Variants in SLC25A48 observed in about 807,000 individuals in gnomAD.
SLC25A48 encodes the protein CTC-321K16.1.
Under a neutral mutation model 32.2 loss-of-function variants are expected in SLC25A48, and 29 were observed. The observed-to-expected ratio is 0.90, with a 90% confidence interval of 0.67 to 1.23. SLC25A48 has a LOEUF of 1.23. Ranked by LOEUF, SLC25A48 falls within the 50% of genes most tolerant of loss-of-function variation. The pLI is 0.00. For missense variants in SLC25A48, 399 were observed against 422.7 expected (o/e 0.94, Z 0.49); for synonymous variants, 164 against 172.3 (o/e 0.95, Z 0.38).
chr5:135,647,140 A>G (rs145306243), intron 3 of SLC25A48, among the ~76,000 whole-genome samples: 30 of 152,244 alleles, frequency 2.0e-4, no homozygotes, highest in African/African-American at 7.2e-4. Flanking sequence ...TTATTTGTCA[A>G]TTATACTGTA....
chr5:135,672,666 T>C (rs1045546048), intron 3 of SLC25A48, among the ~76,000 whole-genome samples: 1 of 152,202 alleles, frequency 6.6e-6, no homozygotes, highest in Non-Finnish European at 1.5e-5. Context: ...TAACATCCCC[T>C]GTTTTTTTCG....
At chr5:135,589,717 C>T (rs971771636) in intron 1 of SLC25A48, among the ~76,000 whole-genome samples, 6 of 152,028 alleles carry the variant, frequency 3.9e-5, no homozygotes, top group South Asian at 2.1e-4. Context: ...TATTTTGAGG[C>T]GGAGTCTCAC....
intron 7 of SLC25A48, among the ~76,000 whole-genome samples, chr5:135,886,629 ATATAT>A (rs1561567722): frequency 0.049 from 1,300 of 26,472 alleles, 119 homozygotes; most frequent in African/African-American, 0.07. Context: ...ATATATATAT[ATATAT>A]ATAAAATATA....
At chr5:135,814,901 C>A (rs776314887) in intron 4 of SLC25A48, among the ~76,000 whole-genome samples, 1 of 152,228 alleles carries the variant, frequency 6.6e-6, no homozygotes, top group Non-Finnish European at 1.5e-5. Flanking sequence ...CCATGGGAGG[C>A]CACTGCCTCG....
At chr5:135,738,424 G>A (rs940149299) in intron 3 of SLC25A48, among the ~76,000 whole-genome samples, 2 of 152,214 alleles carry the variant, frequency 1.3e-5, no homozygotes, top group Non-Finnish European at 2.9e-5. Flanking sequence ...CCCTGGGCCC[G>A]TGTTTGCAGC....
At chr5:135,626,196 A>G (rs939226836) in intron 1 of SLC25A48, among the ~76,000 whole-genome samples, 1 of 152,252 alleles carries the variant, frequency 6.6e-6, no homozygotes, top group African/African-American at 2.4e-5. Flanking sequence ...TCTCTGATGA[A>G]TGTTTGGACA....
chr5:135,681,003 G>A (rs1185950792), intron 3 of SLC25A48, among the ~76,000 whole-genome samples: 1 of 149,060 alleles, frequency 6.7e-6, no homozygotes, highest in African/African-American at 2.5e-5. Flanking sequence ...TCCTTTTTTT[G>A]AGATGGAGTT....
At chr5:135,693,960 A>AG (rs5871575) in intron 3 of SLC25A48, among the ~76,000 whole-genome samples, 117,932 of 152,014 alleles carry the variant, frequency 0.78, 46,315 homozygotes, top group Middle Eastern at 0.85. Context: ...AACATTCTGG[A>AG]GAAAAAAAAG....
intron 7 of SLC25A48, chr5:135,883,157 A>C: frequency 1.0e-6 from 1 of 985,528 alleles, no homozygotes; most frequent in Non-Finnish European, 1.2e-6. Flanking sequence ...GTGGGCTTTC[A>C]GCCAGGCAGG....
rs1156861751 is a variant in SLC25A48, at chr5:135,862,832, G to A, written c.422-8629G>A. 2.6e-5 allele frequency among the ~76,000 whole-genome samples: 4 copies of A among 152,200 alleles called. No individual in the cohort carries two copies. The South Asian group carries it at 6.2e-4, about 24-fold the overall frequency. On this transcript the variant is annotated intron_variant, in intron 4 of 7. Coordinates refer to ENST00000681962, the MANE Select transcript of SLC25A48 (RefSeq NM_001349336.2). ...AGCACAGACAAGCAATGCAGGGATGGTGGGGGTTTTGGAAGATGTGGAGTA... is the reference window on the plus strand; with the variant it reads ...AGCACAGACAAGCAATGCAGGGATGATGGGGGTTTTGGAAGATGTGGAGTA...
Position 135,886,699 on chromosome 5 carries a change from AGAGT to A in SLC25A48, c.*8-1331_*8-1328del, listed in dbSNP as rs1238122948. ...GAGAGAGAGAGAGAGAGAGAGAGAG[AGAGT>A]GTGTGTGTGTGTGTGTAGTCTGACT... On this transcript the variant is annotated intron_variant, in intron 7 of 7. Transcript: ENST00000681962. 1.0e-3 allele frequency among the ~76,000 whole-genome samples: 127 copies of A among 124,762 alleles called. 2 individuals carry two copies. The highest frequency in any genetic ancestry group is 4.2e-3 in the Middle Eastern group (1 of 238). 81.8% of individuals were successfully genotyped at this position (124,762 alleles called of 152,430 possible).
chr5:135,624,314 A>G (rs901162467), intron 1 of SLC25A48, among the ~76,000 whole-genome samples: 2 of 152,220 alleles, frequency 1.3e-5, no homozygotes, highest in African/African-American at 2.4e-5. Context: ...TGGGACATGC[A>G]GGACCTAATG....
chr5:135,809,391 A>G (rs971247015), intron 3 of SLC25A48, among the ~76,000 whole-genome samples: 5 of 152,198 alleles, frequency 3.3e-5, no homozygotes, highest in African/African-American at 1.2e-4. Context: ...TCATTCATTC[A>G]ATAGTGTGCT....
chr5:135,822,158 C>G (rs766530119), intron 4 of SLC25A48: 1 of 152,142 alleles, frequency 6.6e-6, no homozygotes, highest in African/African-American at 2.4e-5. Flanking sequence ...TTAGGTAAGC[C>G]CCCCCAACAG....
At chr5:135,805,335 T>C (rs1176237228) in intron 3 of SLC25A48, among the ~76,000 whole-genome samples, 1 of 151,588 alleles carries the variant, frequency 6.6e-6, no homozygotes, top group Non-Finnish European at 1.5e-5. Context: ...TGTAATGTCA[T>C]AGGAAGACAT....
chr5:135,765,363 G>T (rs1756185244), intron 3 of SLC25A48, among the ~76,000 whole-genome samples: 1 of 151,508 alleles, frequency 6.6e-6, no homozygotes, highest in Non-Finnish European at 1.5e-5. Flanking sequence ...GGGAAAAAAG[G>T]GTGATACTAC....
chr5:135,736,191 G>A (rs1183612551), intron 3 of SLC25A48, among the ~76,000 whole-genome samples: 4 of 152,094 alleles, frequency 2.6e-5, no homozygotes, highest in South Asian at 2.1e-4. Context: ...GGGAGGAATC[G>A]CATTGGGTAC....
chr5:135,823,517 T>C (rs1424031294), intron 4 of SLC25A48, among the ~76,000 whole-genome samples: 1 of 152,236 alleles, frequency 6.6e-6, no homozygotes, highest in African/African-American at 2.4e-5. Flanking sequence ...CCCACCCTTC[T>C]TTCCTTTCTT....
intron 7 of SLC25A48, among the ~76,000 whole-genome samples, chr5:135,882,640 G>A (rs1432006686): frequency 3.3e-5 from 5 of 152,214 alleles, no homozygotes; most frequent in East Asian, 1.9e-4. Flanking sequence ...AGTTCCATGC[G>A]GGAAGATCAG....
Sources: allele counts gnomAD v4.1 joint callset (sites outside exome capture counted in the v4.1 genomes callset), GRCh38; gene constraint gnomAD v4.1.1; transcripts MANE v1.5; gene names NCBI Gene and HGNC (gene_info 2026-07-23, HGNC 2026-07-21).